Variants in GRID2 observed in about 807,000 individuals in gnomAD.
The protein encoded by GRID2 is glutamate receptor ionotropic, delta-2.
GRID2 carries 33 observed loss-of-function variants against 114.8 expected under a neutral mutation model. That is an observed-to-expected ratio of 0.29 (90% CI 0.22 to 0.38). The LOEUF (loss-of-function observed/expected upper bound fraction) is 0.38, where lower values mean the gene tolerates loss of function less well. GRID2 is among the 10% of genes least tolerant of loss of function. The probability of loss-of-function intolerance (pLI) is 1.00; values close to 1 mark genes in which losing one functional copy is unlikely to be tolerated. For missense variants in GRID2, 1,184 were observed against 1,257.7 expected (o/e 0.94, Z 0.89); for synonymous variants, 505 against 449.9 (o/e 1.12, Z -1.55).
chr4:93,717,647 G>C (rs1729012686), intron 14 of GRID2, among the ~76,000 whole-genome samples: 1 of 152,052 alleles, frequency 6.6e-6, no homozygotes, highest in African/African-American at 2.4e-5. Flanking sequence ...ATACGTTTAA[G>C]ATCATAATAA....
At chr4:92,595,378 G>C (rs1476013068) in intron 2 of GRID2, among the ~76,000 whole-genome samples, 4 of 151,856 alleles carry the variant, frequency 2.6e-5, no homozygotes, top group African/African-American at 9.7e-5. Context: ...GCAGTAATGG[G>C]ATTCATTAAA....
chr4:93,052,002 A>T (rs955708442), intron 2 of GRID2, among the ~76,000 whole-genome samples: 5 of 151,726 alleles, frequency 3.3e-5, no homozygotes, highest in Non-Finnish European at 1.5e-5. Context: ...TTTTGTTCTA[A>T]TTTGCTTTAC....
chr4:93,125,291 A>G (rs1734163540), intron 4 of GRID2, among the ~76,000 whole-genome samples: 1 of 152,038 alleles, frequency 6.6e-6, no homozygotes. Context: ...GCATATTGGC[A>G]TGAAAGAGTA....
At chr4:93,659,297 A>C (rs963924448) in intron 14 of GRID2, among the ~76,000 whole-genome samples, 1 of 152,178 alleles carries the variant, frequency 6.6e-6, no homozygotes, top group African/African-American at 2.4e-5. Context: ...GAGGTCTCAC[A>C]CTTATGGGTG....
intron 2 of GRID2, among the ~76,000 whole-genome samples, chr4:92,739,015 A>T (rs750775892): frequency 5.3e-5 from 8 of 152,270 alleles, no homozygotes; most frequent in Non-Finnish European, 1.2e-4. Context: ...ACAGAAGATG[A>T]TATTTTGAAG....
intron 8 of GRID2, among the ~76,000 whole-genome samples, chr4:93,294,772 C>G (rs1468616294): frequency 1.3e-5 from 2 of 152,042 alleles, no homozygotes; most frequent in African/African-American, 4.8e-5. Flanking sequence ...GTTGGCCAGG[C>G]TGGTCTCGAA....
intron 9 of GRID2, among the ~76,000 whole-genome samples, chr4:93,420,818 ATC>A: frequency 6.6e-6 from 1 of 151,482 alleles, no homozygotes; most frequent in Non-Finnish European, 1.5e-5. Context: ...CAATGGTGTG[ATC>A]TTGGCTCACT....
rs1466207523 is a variant in GRID2, at chr4:93,533,243, T to TCC, written c.2193+17833_2193+17834insCC. On this transcript the variant is annotated intron_variant, in intron 13 of 15. Coordinates refer to ENST00000282020, the MANE Select transcript of GRID2 (RefSeq NM_001510.4). ...TAAATCTTGTAGGGCCCTTTCTTTC[T>TCC]CTCTTCCTTCCTTCCTTCCTTCCTT... Among the ~76,000 whole-genome samples, 53 of 149,042 alleles carry TCC rather than the reference T, an allele frequency of 3.6e-4. No individual in the cohort carries two copies. The East Asian group carries it at 3.7e-3, about 11-fold the overall frequency.
chr4:93,107,493 T>C (rs965721949), intron 3 of GRID2, among the ~76,000 whole-genome samples: 1 of 152,092 alleles, frequency 6.6e-6, no homozygotes, highest in Non-Finnish European at 1.5e-5. Flanking sequence ...AAAAACGTTA[T>C]ATAGTTTCAA....
At chr4:93,302,509 T>A (rs1416985504) in intron 8 of GRID2, 3 of 452,906 alleles carry the variant, frequency 6.6e-6, no homozygotes, top group Non-Finnish European at 1.3e-5. Flanking sequence ...AATATTCATG[T>A]TTTCCACTTA....
At chr4:93,015,802 C>T (rs1722635338) in intron 2 of GRID2, among the ~76,000 whole-genome samples, 1 of 151,904 alleles carries the variant, frequency 6.6e-6, no homozygotes, top group African/African-American at 2.4e-5. Flanking sequence ...GCAAATCCTA[C>T]AGAGGAAAAA....
At chr4:93,508,819 T>C (rs147778874) in intron 12 of GRID2, among the ~76,000 whole-genome samples, 49 of 152,270 alleles carry the variant, frequency 3.2e-4, no homozygotes, top group Non-Finnish European at 6.0e-4. Context: ...TGTGAACATA[T>C]TCCAAGTGTT....
intron 2 of GRID2, among the ~76,000 whole-genome samples, chr4:92,599,580 T>G (rs1363737052): frequency 2.6e-5 from 4 of 152,214 alleles, no homozygotes; most frequent in Non-Finnish European, 5.9e-5. Context: ...GATATCATGT[T>G]ATTTTCTTAA....
Position 93,658,461 on chromosome 4 carries a change from T to A in GRID2, c.2360+32026T>A, listed in dbSNP as rs117213511. Among the ~76,000 whole-genome samples the A allele has an allele frequency of 4.3e-4, 66 of 152,304 alleles. No individual in the cohort carries two copies. In the East Asian group the frequency reaches 0.012, roughly 29 times the overall value. On this transcript the variant is annotated intron_variant, in intron 14 of 15. Coordinates refer to ENST00000282020, the MANE Select transcript of GRID2 (RefSeq NM_001510.4). ...TCACCAAGCACTATTCTAAGAGCTT[T>A]ATATACCTCTTGTTACTTGCAACTA... is the stretch of plus-strand genomic sequence containing the variant.
intron 1 of GRID2, among the ~76,000 whole-genome samples, chr4:92,571,020 G>A (rs920335024): frequency 1.3e-5 from 2 of 152,008 alleles, no homozygotes; most frequent in Admixed American, 6.6e-5. Flanking sequence ...AGCTTGTCTT[G>A]TGCCGGTTTT....
chr4:92,844,826 T>A (rs1331106134), intron 2 of GRID2, among the ~76,000 whole-genome samples: 2 of 152,084 alleles, frequency 1.3e-5, no homozygotes, highest in East Asian at 1.9e-4. Flanking sequence ...TTTTGTCACA[T>A]AGCGTAGTAT....
intron 4 of GRID2, among the ~76,000 whole-genome samples, chr4:93,147,870 T>C (rs62308251): frequency 0.076 from 11,621 of 152,236 alleles, 483 homozygotes; most frequent in East Asian, 0.18. Context: ...GTTTTACTTT[T>C]AAATGTTTAT....
chr4:93,168,062 G>C (rs1738424771), intron 4 of GRID2, among the ~76,000 whole-genome samples: 1 of 151,944 alleles, frequency 6.6e-6, no homozygotes, highest in Non-Finnish European at 1.5e-5. Flanking sequence ...GAGGTGTAGT[G>C]GTGCACTCTT....
chr4:93,290,123 C>T (rs555798122), intron 8 of GRID2, among the ~76,000 whole-genome samples: 1 of 152,280 alleles, frequency 6.6e-6, no homozygotes, highest in South Asian at 2.1e-4. Context: ...GGTTTAAAAT[C>T]TGGCAAAACT....
Sources: allele counts gnomAD v4.1 joint callset (sites outside exome capture counted in the v4.1 genomes callset), GRCh38; gene constraint gnomAD v4.1.1; transcripts MANE v1.5; gene names NCBI Gene and HGNC (gene_info 2026-07-23, HGNC 2026-07-21).